The following ATP10A variants were observed in gnomAD, a reference collection of about 807,000 sequenced individuals.
The protein encoded by ATP10A is ATPase phospholipid transporting 10A (putative), also known as phospholipid-transporting ATPase VA.
Under a neutral mutation model 147.8 loss-of-function variants are expected in ATP10A, and 111 were observed. The observed-to-expected ratio is 0.75, with a 90% CI of 0.64 to 0.88. The LOEUF (loss-of-function observed/expected upper bound fraction) is 0.88. Among genes scored for constraint, ATP10A ranks in the 40% least tolerant of loss-of-function variants. The pLI is 0.00. For missense variants in ATP10A, 1,927 were observed against 1,959.0 expected (o/e 0.98, Z 0.31); for synonymous variants, 875 against 841.6 (o/e 1.04, Z -0.69).
chr15:25,738,486 T>C (rs925983008), intron 2 of ATP10A: 1 of 152,224 alleles, frequency 6.6e-6, no homozygotes, highest in African/African-American at 2.4e-5. Context: ...GTTATGCATA[T>C]TTTGCCATGA....
At chr15:25,825,567 G>C (rs1219187341) in intron 1 of ATP10A, among the ~76,000 whole-genome samples, 4 of 152,150 alleles carry the variant, frequency 2.6e-5, no homozygotes, top group Non-Finnish European at 5.9e-5. Flanking sequence ...CATCAGCAAA[G>C]ATTAGGAGAC....
At chr15:25,745,829 G>A (rs1235699249) in intron 2 of ATP10A, among the ~76,000 whole-genome samples, 1 of 152,156 alleles carries the variant, frequency 6.6e-6, no homozygotes. Flanking sequence ...GTTTAATACT[G>A]ATAGTCAAAG....
At chr15:25,711,725 T>C (rs1464849668) in intron 10 of ATP10A, among the ~76,000 whole-genome samples, 1 of 152,034 alleles carries the variant, frequency 6.6e-6, no homozygotes, top group Admixed American at 6.5e-5. Flanking sequence ...ATGCCATGGA[T>C]TTGAGGTTCT....
chr15:25,789,591 T>TGTGTGTGTGTGTGTGTGTGTGTGA (rs1555470190), intron 1 of ATP10A, among the ~76,000 whole-genome samples: 20 of 151,250 alleles, frequency 1.3e-4, no homozygotes, highest in Admixed American at 1.2e-3. Context: ...TGTGTGTGTG[T>TGTGTGTGTGTGTGTGTGTGTGTGA]GACAGAGACA....
intron 3 of ATP10A, 36 bp from the exon 4 acceptor site, chr15:25,727,302 C>T: frequency 6.5e-7 from 1 of 1,540,576 alleles, no homozygotes; most frequent in Non-Finnish European, 9.0e-7. Flanking sequence ...CACGTGGTTG[C>T]AGGCCTGTGC....
intron 10 of ATP10A, 57 bp from the exon 11 acceptor site, chr15:25,708,357 T>C: frequency 6.8e-7 from 1 of 1,478,466 alleles, no homozygotes; most frequent in Non-Finnish European, 9.5e-7. Flanking sequence ...GGAATGGTCT[T>C]CAGACACTCC....
At chr15:25,832,609 C>T (rs1267899029) in intron 1 of ATP10A, among the ~76,000 whole-genome samples, 1 of 150,836 alleles carries the variant, frequency 6.6e-6, no homozygotes, top group African/African-American at 2.4e-5. Context: ...ATACACTCTG[C>T]TTTCGTGCGC....
At chr15:25,745,197 G>A (rs1020576979) in intron 2 of ATP10A, among the ~76,000 whole-genome samples, 6 of 151,980 alleles carry the variant, frequency 3.9e-5, no homozygotes, top group Non-Finnish European at 8.8e-5. Flanking sequence ...GTGATGTCAC[G>A]TGTCTGTAAT....
rs28432846 is a variant in ATP10A, at chr15:25,846,451, G to A, written c.449+16197C>T. On this transcript the variant is annotated intron_variant, in intron 1 of 20. Coordinates refer to ENST00000555815, the MANE Select transcript of ATP10A (RefSeq NM_024490.4). ...ACAGTGACAAGCCCCAAGTTAGCAC[G>A]TGGTCCACTTCCAGGAAGTGGAGGA... 4.7e-3 allele frequency among the ~76,000 whole-genome samples: 714 copies of A among 152,284 alleles called. 7 individuals carry two copies. The highest frequency in any genetic ancestry group is 0.016 in the African/African-American group (684 of 41,550).
intron 13 of ATP10A, among the ~76,000 whole-genome samples, chr15:25,697,723 CCTT>C (rs1298276341): frequency 9.2e-5 from 14 of 152,234 alleles, no homozygotes; most frequent in Non-Finnish European, 4.4e-5. Flanking sequence ...ACTCCACACT[CCTT>C]AACTGTGAGC....
In ATP10A at chr15:25,787,457, T is replaced by A. The variant is rs546892624; in HGVS notation, c.450-6234A>T. On this transcript the variant is annotated intron_variant, in intron 1 of 20. Transcript: ENST00000555815. ...AGTGAGACCCCATCTCTCCAAAAAA[T>A]ACAAGAATGAGCCAGGTGTGCTGGC... Among the ~76,000 whole-genome samples the A allele has an allele frequency of 7.3e-5, 11 of 151,436 alleles. No homozygotes were observed. The East Asian group carries it at 1.8e-3, about 24-fold the overall frequency.
intron 1 of ATP10A, among the ~76,000 whole-genome samples, chr15:25,856,931 C>CCT (rs1567436201): frequency 6.6e-6 from 1 of 152,036 alleles, no homozygotes; most frequent in Non-Finnish European, 1.5e-5. Flanking sequence ...CCCCATAGGA[C>CCT]AAATAACCCA....
chr15:25,695,817 C>T (rs558823867), intron 13 of ATP10A, among the ~76,000 whole-genome samples: 7 of 151,984 alleles, frequency 4.6e-5, no homozygotes, highest in African/African-American at 1.7e-4. Flanking sequence ...CTTACCTAAC[C>T]CCCCAAGGAC....
intron 6 of ATP10A, among the ~76,000 whole-genome samples, chr15:25,722,772 A>G (rs992569778): frequency 5.3e-5 from 8 of 152,184 alleles, no homozygotes. Flanking sequence ...GGCTGAGCCA[A>G]TGTCCTCTGG....
chr15:25,768,343 A>G (rs1400626155), intron 2 of ATP10A, among the ~76,000 whole-genome samples: 1 of 152,030 alleles, frequency 6.6e-6, no homozygotes, highest in East Asian at 1.9e-4. Flanking sequence ...AAAAAATGGC[A>G]TTGTCTGTTT....
intron 13 of ATP10A, among the ~76,000 whole-genome samples, chr15:25,696,572 T>C (rs1900351937): frequency 6.6e-6 from 1 of 151,928 alleles, no homozygotes; most frequent in African/African-American, 2.4e-5. Flanking sequence ...TGAGAGGGAG[T>C]AGCAGCCGAT....
intron 3 of ATP10A, among the ~76,000 whole-genome samples, chr15:25,728,905 A>G (rs1567338429): frequency 6.6e-6 from 1 of 152,084 alleles, no homozygotes; most frequent in Non-Finnish European, 1.5e-5. Flanking sequence ...CCACAACACA[A>G]AGGGGAGGCT....
chr15:25,713,909 C>T lies in ATP10A; in HGVS notation c.2109G>A (p.Leu703=). 1 of 1,613,256 alleles carries T rather than the reference C, an allele frequency of 6.2e-7. No homozygotes were observed. The highest frequency in any genetic ancestry group is 1.1e-5 in the South Asian group (1 of 91,090). ...YEAESPDEAA[L]VYAARAYNCV... is the part of the protein sequence containing the mutation. ...AGTTGTAGGCTCTGGCCGCATACACCAGTGCGGCCTCATCCGGGCTCTCCG... is the reference window on the plus strand; with the variant it reads ...AGTTGTAGGCTCTGGCCGCATACACTAGTGCGGCCTCATCCGGGCTCTCCG... Residue 703 remains leucine, a synonymous_variant, in exon 10 of 21, where the codon CTG becomes CTA. Coordinates refer to ENST00000555815, the MANE Select transcript of ATP10A (RefSeq NM_024490.4).
intron 13 of ATP10A, among the ~76,000 whole-genome samples, chr15:25,697,445 A>T (rs2140331120): frequency 6.6e-6 from 1 of 152,364 alleles, no homozygotes; most frequent in African/African-American, 2.4e-5. Flanking sequence ...GTGGAAAAAG[A>T]CAATCCACAG....
Sources: gnomAD v4.1 joint callset for allele counts (sites outside exome capture counted in the v4.1 genomes callset) on GRCh38, gnomAD v4.1.1 for gene constraint, MANE v1.5 for transcripts, NCBI Gene and HGNC (gene_info 2026-07-23, HGNC 2026-07-21) for gene names.